The following GLB1 variants were observed in gnomAD, a reference collection of about 807,000 sequenced individuals.
GLB1 encodes galactosidase beta 1.
In GLB1, 56 loss-of-function variants were observed where a neutral mutation model predicts 74.0. That is an observed-to-expected ratio of 0.76 (90% CI 0.61 to 0.94). GLB1 has a LOEUF of 0.94. Ranked by LOEUF, GLB1 falls within the 40% of genes least tolerant of loss-of-function variation. The probability of loss-of-function intolerance (pLI) is 0.00; values close to 1 mark genes in which losing one functional copy is unlikely to be tolerated. For missense variants in GLB1, 787 were observed against 845.5 expected, an observed-to-expected ratio of 0.93 and a Z score of 0.86; for synonymous variants, 323 against 323.6, an observed-to-expected ratio of 1.00 and a Z score of 0.02.
the GLB1 span, among the ~76,000 whole-genome samples, chr3:32,978,686 AAGG>A: frequency 6.6e-6 from 1 of 152,164 alleles, no homozygotes. Context: ...AGGGAAGGGA[AAGG>A]AGAAGAGGGA....
intron 6 of GLB1, among the ~76,000 whole-genome samples, chr3:33,055,031 G>C (rs987116872): frequency 6.6e-6 from 1 of 152,248 alleles, no homozygotes; most frequent in Non-Finnish European, 1.5e-5. Context: ...GACAGAATAT[G>C]CTGATTGAGA....
intron 5 of GLB1, among the ~76,000 whole-genome samples, chr3:33,058,795 T>C (rs780899997): frequency 2.0e-5 from 3 of 152,022 alleles, no homozygotes; most frequent in Non-Finnish European, 2.9e-5. Context: ...CCAATTGTAA[T>C]TGTGTTTTCC....
intron 6 of GLB1, among the ~76,000 whole-genome samples, chr3:33,054,460 G>C (rs748465399): frequency 6.6e-6 from 1 of 152,140 alleles, no homozygotes. Flanking sequence ...TGTTTCCCCA[G>C]GGCCTGGACA....
intron 15 of GLB1, among the ~76,000 whole-genome samples, chr3:32,999,171 T>A (rs1696440535): frequency 1.3e-5 from 2 of 152,316 alleles, no homozygotes; most frequent in South Asian, 4.1e-4. Flanking sequence ...AGGACGACAG[T>A]TTCACAGTTC....
intron 1 of GLB1, chr3:33,090,720 T>C (rs1700717849): frequency 4.1e-6 from 4 of 985,312 alleles, no homozygotes; most frequent in Non-Finnish European, 4.8e-6. Flanking sequence ...GAGAAATTTC[T>C]GCTGCAAAAA....
chr3:32,996,598 A>T (rs184482560), downstream of GLB1: 1 of 257,384 alleles, frequency 3.9e-6, no homozygotes, highest in East Asian at 9.9e-5. Context: ...TCCACAGATC[A>T]AACCAAGACT....
At position 33,003,776 on chromosome 3, in the gene GLB1, T is replaced by C. The variant is rs149848823; in HGVS notation, c.1735-6432A>G. ...TGGGCATGGTGGCTCACTCCTGTAA[T>C]CCCAGCACTTTGGGAGGCCAAGGTG... is the stretch of plus-strand genomic sequence containing the variant. On this transcript the variant is annotated intron_variant, in intron 15 of 15. Coordinates refer to ENST00000307363, the MANE Select transcript of GLB1 (RefSeq NM_000404.4). 4.1e-3 allele frequency among the ~76,000 whole-genome samples: 619 copies of C among 152,314 alleles called. 4 individuals carry two copies. Among genetic ancestry groups the C allele is most frequent in the African/African-American group, 0.014 (595 of 41,570 alleles).
chr3:33,069,025 A>C, intron 2 of GLB1, 55 bp from the exon 3 acceptor site: 1 of 1,613,870 alleles, frequency 6.2e-7, no homozygotes, highest in Non-Finnish European at 8.5e-7. Context: ...AAGAAGAAAG[A>C]AGCGTGGGGA....
intron 12 of GLB1, 111 bp from the exon 13 acceptor site, chr3:33,018,672 A>C (rs1697344849): frequency 1.7e-6 from 2 of 1,193,724 alleles, no homozygotes; most frequent in Non-Finnish European, 2.4e-6. Context: ...AAGGAATGAA[A>C]ATCTTCCTCC....
At chr3:33,087,589 A>AGTG (rs1700566816) in intron 1 of GLB1, among the ~76,000 whole-genome samples, 1 of 100,678 alleles carries the variant, frequency 9.9e-6, no homozygotes, top group African/African-American at 3.2e-5. Flanking sequence ...GCACACACAC[A>AGTG]CACACACACA....
In GLB1 at chr3:33,083,844, T is replaced by A. The variant is rs552366060; in HGVS notation, c.76-11131A>T. On this transcript the variant is annotated intron_variant, in intron 1 of 15. Coordinates refer to ENST00000307363, the MANE Select transcript of GLB1 (RefSeq NM_000404.4). ...TTCAGTAATAAATAAGCATCTTTTTTAAAAAAAATTAAACATAACACAATA... is the reference window on the plus strand; with the variant it reads ...TTCAGTAATAAATAAGCATCTTTTTAAAAAAAAATTAAACATAACACAATA... Among the ~76,000 whole-genome samples the A allele has an allele frequency of 2.3e-3, 355 of 152,148 alleles. 2 individuals are homozygous for A. Among genetic ancestry groups the A allele is most frequent in the African/African-American group, 8.0e-3 (331 of 41,492 alleles).
intron 1 of GLB1, 131 bp downstream of exon 1, chr3:33,096,880 G>A: frequency 2.8e-6 from 4 of 1,443,266 alleles, no homozygotes; most frequent in Non-Finnish European, 2.7e-6. Flanking sequence ...CCGGCCGCGA[G>A]CCTGCTGGGG....
In GLB1 at chr3:32,996,809, A is replaced by G. The variant is rs1401459785; in HGVS notation, c.*236T>C. 1 of 621,478 alleles carries G rather than the reference A, an allele frequency of 1.6e-6. No homozygotes were observed. Among genetic ancestry groups the G allele is most frequent in the Non-Finnish European group, 2.7e-6 (1 of 370,202 alleles). The allele number at this position is 621,478 out of a possible 1,614,324, so 38.5% of individuals were successfully genotyped here. On this transcript the variant is annotated 3_prime_UTR_variant, in exon 16 of 16. Transcript: ENST00000307363. ...AATCACTACCACCTTTAAAGCTTCC[A>G]TTCCAGCCCTGCAGATATGTATGCA...
At position 33,072,585 on chromosome 3, in the gene GLB1, C is replaced by T. The variant is rs1309516618; in HGVS notation, c.204G>A (p.Arg68=). 6.2e-7 allele frequency: 1 copy of T among 1,613,868 alleles called. No individual in the cohort carries two copies. The highest frequency in any genetic ancestry group is 8.5e-7 in the Non-Finnish European group (1 of 1,180,058). ...GCCCAGCCATCTTCATCTTCAGCAG[C>T]CGGTCCTTCCAGTAGAAGCGGGGCA... ...SRVPRFYWKD[R]LLKMKMAGLN... Residue 68 remains arginine (R), a synonymous_variant, in exon 2 of 16, where the codon CGG becomes CGA. Transcript: ENST00000307363.
At chr3:33,019,379 T>C (rs1210352146) in intron 12 of GLB1, among the ~76,000 whole-genome samples, 1 of 152,228 alleles carries the variant, frequency 6.6e-6, no homozygotes, top group Non-Finnish European at 1.5e-5. Flanking sequence ...TGACTTTGCT[T>C]ATTTACTTCC....
At chr3:33,037,380 G>C (rs544628070) in intron 10 of GLB1, among the ~76,000 whole-genome samples, 89 of 152,150 alleles carry the variant, frequency 5.8e-4, no homozygotes, top group African/African-American at 1.9e-3. Context: ...AACATTGAAT[G>C]GTGTACTTTG....
At chr3:33,022,599 T>G (rs1030763052) in intron 11 of GLB1, among the ~76,000 whole-genome samples, 1 of 125,050 alleles carries the variant, frequency 8.0e-6, no homozygotes, top group Non-Finnish European at 1.7e-5. Context: ...AGTCTCACTC[T>G]GTCACCCAGG....
chr3:33,052,551 AACCCG>A (rs1699039589), intron 7 of GLB1: 1 of 164,766 alleles, frequency 6.1e-6, no homozygotes, highest in East Asian at 1.7e-4. Flanking sequence ...GAATCGCTTG[AACCCG>A]GGAGGTGGAG....
intron 10 of GLB1, among the ~76,000 whole-genome samples, chr3:33,039,762 T>C (rs879762794): frequency 3.9e-5 from 6 of 152,110 alleles, no homozygotes; most frequent in Admixed American, 6.6e-5. Context: ...ATGCCATAGA[T>C]TTAGGAAGTT....
Sources: allele counts gnomAD v4.1 joint callset (sites outside exome capture counted in the v4.1 genomes callset), GRCh38; gene constraint gnomAD v4.1.1; transcripts MANE v1.5; gene names NCBI Gene and HGNC (gene_info 2026-07-23, HGNC 2026-07-21).